The following XRCC4 variants were observed in gnomAD, a reference collection of about 807,000 sequenced individuals.
The protein encoded by XRCC4 is X-ray repair cross complementing 4.
XRCC4 carries 28 observed loss-of-function variants against 39.1 expected under a neutral mutation model. The ratio of observed to expected loss-of-function variants is 0.72; its 90% confidence interval spans 0.53 to 0.98. The LOEUF (loss-of-function observed/expected upper bound fraction) is 0.98, where lower values mean the gene tolerates loss of function less well. Ranked by LOEUF, XRCC4 falls within the 50% of genes least tolerant of loss-of-function variation. The pLI is 0.00. For synonymous variants in XRCC4, 123 were observed against 126.4 expected, an observed-to-expected ratio of 0.97 and a Z score of 0.18; for missense variants, 350 against 376.4, an observed-to-expected ratio of 0.93 and a Z score of 0.58.
At chr5:83,152,999 G>T (rs756251393) in intron 3 of XRCC4, among the ~76,000 whole-genome samples, 3 of 152,070 alleles carry the variant, frequency 2.0e-5, no homozygotes, top group Admixed American at 2.0e-4. Context: ...TCACAAATAC[G>T]TTTCTATGAC....
At chr5:83,146,519 G>A (rs568618244) in intron 3 of XRCC4, among the ~76,000 whole-genome samples, 25 of 152,230 alleles carry the variant, frequency 1.6e-4, no homozygotes, top group Non-Finnish European at 1.5e-4. Context: ...TCTCAAAATT[G>A]CTTAAAATTG....
chr5:83,267,931 G>A (rs1371097358), intron 7 of XRCC4, among the ~76,000 whole-genome samples: 3 of 152,160 alleles, frequency 2.0e-5, no homozygotes, highest in Admixed American at 1.3e-4. Context: ...TAGGCAGAAC[G>A]TAGAGCACAA....
chr5:83,142,208 C>T (rs1339852501), intron 3 of XRCC4, among the ~76,000 whole-genome samples: 1 of 152,142 alleles, frequency 6.6e-6, no homozygotes. Context: ...AGGATGGCCA[C>T]TGTGTGCTGT....
intron 3 of XRCC4, among the ~76,000 whole-genome samples, chr5:83,181,691 T>A (rs1474232468): frequency 1.3e-5 from 2 of 152,076 alleles, no homozygotes; most frequent in Non-Finnish European, 2.9e-5. Context: ...GGAACACAGG[T>A]AAGCCAGAGA....
chr5:83,306,032 G>A (rs1755471396), intron 7 of XRCC4, among the ~76,000 whole-genome samples: 1 of 152,046 alleles, frequency 6.6e-6, no homozygotes, highest in South Asian at 2.1e-4. Flanking sequence ...ATAGTTTTTA[G>A]GCAACAGTTT....
At chr5:83,197,687 A>G (rs1399468365) in intron 4 of XRCC4, among the ~76,000 whole-genome samples, 1 of 152,034 alleles carries the variant, frequency 6.6e-6, no homozygotes, top group Non-Finnish European at 1.5e-5. Context: ...TCTTGTTGTG[A>G]AGAGATTTCC....
intron 7 of XRCC4, among the ~76,000 whole-genome samples, chr5:83,278,327 G>T (rs1351281980): frequency 6.6e-6 from 1 of 152,164 alleles, no homozygotes; most frequent in African/African-American, 2.4e-5. Flanking sequence ...AATTTTTGAG[G>T]TAGAAGTATA....
At chr5:83,147,423 G>T (rs1401132004) in intron 3 of XRCC4, among the ~76,000 whole-genome samples, 1 of 152,096 alleles carries the variant, frequency 6.6e-6, no homozygotes, top group Non-Finnish European at 1.5e-5. Context: ...AAACCTGGAG[G>T]ATATTATGTT....
chr5:83,156,676 C>T (rs1382365), intron 3 of XRCC4, among the ~76,000 whole-genome samples: 73,307 of 151,522 alleles, frequency 0.48, 18,649 homozygotes, highest in African/African-American at 0.63. Context: ...AAATAGTTCA[C>T]TTGAGACTTT....
In XRCC4 at chr5:83,258,568, G is replaced by A. The variant is rs754388867; in HGVS notation, c.784G>A (p.Asp262Asn). Residue 262 changes from aspartate (D) to asparagine (N), a missense_variant, in exon 7 of 8, where the codon GAT (aspartate) becomes AAT (asparagine). Transcript: ENST00000396027. ...SKDDSIISSL[D>N]VTDIAPSRKR... ...AGATGATTCCATTATTTCAAGTCTT[G>A]ATGTCACTGATATTGCACCAAGTAG... 1.2e-6 allele frequency: 2 copies of A among 1,608,560 alleles called. No homozygotes were observed. Among genetic ancestry groups the A allele is most frequent in the Non-Finnish European group, 1.7e-6 (2 of 1,178,534 alleles).
chr5:83,156,995 C>A (rs1207948274), intron 3 of XRCC4, among the ~76,000 whole-genome samples: 2 of 151,844 alleles, frequency 1.3e-5, no homozygotes, highest in Non-Finnish European at 2.9e-5. Context: ...ACACCTAGTT[C>A]TCCCTCCTTT....
At chr5:83,129,492 G>GT (rs978098378) in intron 3 of XRCC4, among the ~76,000 whole-genome samples, 1 of 152,036 alleles carries the variant, frequency 6.6e-6, no homozygotes, top group Non-Finnish European at 1.5e-5. Context: ...CTTTAAAGTA[G>GT]TTTTTTTCAA....
chr5:83,337,655 C>A (rs1001482343), intron 7 of XRCC4, among the ~76,000 whole-genome samples: 3 of 152,114 alleles, frequency 2.0e-5, no homozygotes, highest in Non-Finnish European at 4.4e-5. Flanking sequence ...CACCTTGGAG[C>A]AAAGACAAGC....
chr5:83,315,505 A>G (rs1755848509), intron 7 of XRCC4, among the ~76,000 whole-genome samples: 1 of 152,184 alleles, frequency 6.6e-6, no homozygotes, highest in Non-Finnish European at 1.5e-5. Context: ...ATAGCTAGAA[A>G]GAAGTCAATT....
rs571683831 is a variant in XRCC4, at chr5:83,171,965, G to A, written c.316-23805G>A. On this transcript the variant is annotated intron_variant, in intron 3 of 7. Transcript: ENST00000396027. ...TATGTGTCCATATAATTGGTCAAAAGGCAATATGGACAAAATATGTTTTTA... is the reference window on the plus strand; with the variant it reads ...TATGTGTCCATATAATTGGTCAAAAAGCAATATGGACAAAATATGTTTTTA... 2.0e-4 allele frequency among the ~76,000 whole-genome samples: 31 copies of A among 152,168 alleles called. 1 individual carries two copies. In the East Asian group the frequency reaches 4.4e-3, roughly 22 times the overall value.
At chr5:83,124,354 T>C (rs1406721278) in intron 3 of XRCC4, among the ~76,000 whole-genome samples, 1 of 152,178 alleles carries the variant, frequency 6.6e-6, no homozygotes, top group East Asian at 1.9e-4. Context: ...AGAATATTAG[T>C]GGAATTGTAC....
At chr5:83,359,748 C>T in the XRCC4 span, among the ~76,000 whole-genome samples, 4 of 152,040 alleles carry the variant, frequency 2.6e-5, no homozygotes, top group African/African-American at 7.2e-5. Flanking sequence ...ACAAGTTTGT[C>T]GCAAGTTAAC....
chr5:83,104,364 A>C (rs1024165257), intron 1 of XRCC4, among the ~76,000 whole-genome samples: 1 of 152,236 alleles, frequency 6.6e-6, no homozygotes, highest in African/African-American at 2.4e-5. Flanking sequence ...TAGTGAGATC[A>C]GTTCCAGGTC....
intron 7 of XRCC4, among the ~76,000 whole-genome samples, chr5:83,305,493 C>T (rs890604808): frequency 1.3e-5 from 2 of 151,824 alleles, no homozygotes; most frequent in African/African-American, 4.8e-5. Context: ...GTTATGTTTC[C>T]CAAAATGCTT....
Sources: gnomAD v4.1 joint callset for allele counts (sites outside exome capture counted in the v4.1 genomes callset) on GRCh38, gnomAD v4.1.1 for gene constraint, MANE v1.5 for transcripts, NCBI Gene and HGNC (gene_info 2026-07-23, HGNC 2026-07-21) for gene names.